Variants in CDH10 observed in about 807,000 individuals in gnomAD.
CDH10 encodes the protein cadherin 10.
Under a neutral mutation model 73.1 loss-of-function variants are expected in CDH10, and 30 were observed. That is an observed-to-expected ratio of 0.41 (90% confidence interval 0.31 to 0.56). The LOEUF (loss-of-function observed/expected upper bound fraction) is 0.56, where lower values mean the gene tolerates loss of function less well. Among genes scored for constraint, CDH10 ranks in the 20% least tolerant of loss-of-function variants. The probability of loss-of-function intolerance (pLI) is 0.27; values close to 1 mark genes in which losing one functional copy is unlikely to be tolerated. For missense variants in CDH10, 815 were observed against 973.7 expected, an observed-to-expected ratio of 0.84 and a Z score of 2.17; for synonymous variants, 345 against 348.2, an observed-to-expected ratio of 0.99 and a Z score of 0.10.
At chr5:24,619,859 G>A (rs1393608861) in intron 1 of CDH10, among the ~76,000 whole-genome samples, 1 of 152,106 alleles carries the variant, frequency 6.6e-6, no homozygotes, top group African/African-American at 2.4e-5. Context: ...ACCAGAAAGA[G>A]GGCCTCGCCG....
At chr5:24,515,769 T>C (rs931608750) in intron 5 of CDH10, among the ~76,000 whole-genome samples, 1 of 152,192 alleles carries the variant, frequency 6.6e-6, no homozygotes, top group African/African-American at 2.4e-5. Flanking sequence ...TCTTGAATTG[T>C]AGCTCCCGCA....
chr5:24,642,811 T>C (rs1450935276), intron 1 of CDH10, among the ~76,000 whole-genome samples: 1 of 152,052 alleles, frequency 6.6e-6, no homozygotes, highest in African/African-American at 2.4e-5. Context: ...TTTGTTGTTT[T>C]TTTTCCCCCA....
chr5:24,567,314 C>T (rs1745200045), intron 2 of CDH10, among the ~76,000 whole-genome samples: 1 of 151,374 alleles, frequency 6.6e-6, no homozygotes, highest in South Asian at 2.1e-4. Context: ...TTAACACATC[C>T]CTAGGCCATG....
At chr5:24,611,319 G>C (rs1225707586) in intron 1 of CDH10, among the ~76,000 whole-genome samples, 1 of 152,016 alleles carries the variant, frequency 6.6e-6, no homozygotes, top group Non-Finnish European at 1.5e-5. Context: ...TGATGTGGGG[G>C]CTCCATGGCT....
intron 1 of CDH10, among the ~76,000 whole-genome samples, chr5:24,597,176 A>C (rs1746398090): frequency 1.3e-5 from 2 of 152,176 alleles, no homozygotes; most frequent in South Asian, 4.1e-4. Context: ...CTGCAATCCC[A>C]TATTTCCTTT....
At chr5:24,627,097 T>C (rs1317198366) in intron 1 of CDH10, among the ~76,000 whole-genome samples, 1 of 151,880 alleles carries the variant, frequency 6.6e-6, no homozygotes, top group African/African-American at 2.4e-5. Context: ...TTAAGTAATA[T>C]CACCATATGC....
intron 2 of CDH10, among the ~76,000 whole-genome samples, chr5:24,574,205 G>T (rs74919652): frequency 0.01 from 1,583 of 152,136 alleles, 41 homozygotes; most frequent in African/African-American, 0.036. Flanking sequence ...ATATTAACTT[G>T]AGTAATTGCA....
In CDH10 at chr5:24,538,656, G is replaced by T. The variant is rs138554938; in HGVS notation, c.232-982C>A. Among the ~76,000 whole-genome samples the T allele has an allele frequency of 3.4e-3, 514 of 151,980 alleles. 2 individuals carry two copies. Among genetic ancestry groups the T allele is most frequent in the Middle Eastern group, 0.01 (3 of 294 alleles). The stretch of plus-strand genomic sequence containing the variant: ...GGAGTACATATACTACTGTACTAGT[G>T]ACTGAGTCTAACCTTTGGGCAATTA... On this transcript the variant is annotated intron_variant, in intron 2 of 11. Transcript: ENST00000264463.
intron 2 of CDH10, among the ~76,000 whole-genome samples, chr5:24,553,402 T>A (rs1333838160): frequency 6.6e-6 from 1 of 152,138 alleles, no homozygotes; most frequent in African/African-American, 2.4e-5. Flanking sequence ...TGCTCCATTT[T>A]TCTTGCTCAG....
At chr5:24,492,185 T>C (rs545924878) in intron 10 of CDH10, among the ~76,000 whole-genome samples, 3 of 152,338 alleles carry the variant, frequency 2.0e-5, no homozygotes, top group Admixed American at 2.0e-4. Context: ...TAAATGTGTG[T>C]TTTTTAATTT....
chr5:24,572,902 T>C (rs143450766), intron 2 of CDH10, among the ~76,000 whole-genome samples: 305 of 120,218 alleles, frequency 2.5e-3, no homozygotes, highest in Middle Eastern at 0.016. Context: ...CATAAGGACC[T>C]GGTCAGAATC....
intron 8 of CDH10, among the ~76,000 whole-genome samples, chr5:24,502,633 C>T (rs1369914441): frequency 6.6e-6 from 1 of 152,078 alleles, no homozygotes; most frequent in Admixed American, 6.6e-5. Context: ...AGATTCAGTC[C>T]TTTAAAAAAA....
intron 6 of CDH10, 33 bp from the exon 7 acceptor site, chr5:24,509,852 G>A (rs1579736944): frequency 6.4e-7 from 1 of 1,556,922 alleles, no homozygotes; most frequent in Non-Finnish European, 8.7e-7. Context: ...AAATTAGAGT[G>A]AGGGAAATTG....
In CDH10 at chr5:24,488,163, A is replaced by C. The variant is rs1169599150; in HGVS notation, c.1877-10T>G. On this transcript the variant is annotated splice_polypyrimidine_tract_variant and intron_variant, in intron 11 of 11. Coordinates refer to ENST00000264463, the MANE Select transcript of CDH10 (RefSeq NM_006727.5). The stretch of plus-strand genomic sequence containing the variant: ...AACAGTACTACTATAACTTGAAAAA[A>C]GACAAGAAGATACATTAGACGTCCG... 6.3e-7 allele frequency: 1 copy of C among 1,589,210 alleles called. No individual in the cohort carries two copies. Among genetic ancestry groups the C allele is most frequent in the Non-Finnish European group, 8.5e-7 (1 of 1,170,432 alleles).
chr5:24,592,848 G>T (rs1746245635), intron 2 of CDH10, among the ~76,000 whole-genome samples: 1 of 151,428 alleles, frequency 6.6e-6, no homozygotes, highest in African/African-American at 2.4e-5. Context: ...TTCTGTAGAA[G>T]ATTAAACAAC....
intron 2 of CDH10, among the ~76,000 whole-genome samples, chr5:24,549,937 T>C (rs906606062): frequency 3.9e-5 from 6 of 152,128 alleles, no homozygotes; most frequent in African/African-American, 1.2e-4. Context: ...CAAAGAAAGG[T>C]GAAATAAGTA....
intron 7 of CDH10, among the ~76,000 whole-genome samples, chr5:24,505,973 G>T (rs1290013613): frequency 6.6e-6 from 1 of 152,060 alleles, no homozygotes; most frequent in African/African-American, 2.4e-5. Flanking sequence ...AATTAGCTGG[G>T]TGTGGTGGCA....
intron 1 of CDH10, among the ~76,000 whole-genome samples, chr5:24,635,538 AC>A (rs749861891): frequency 3.3e-5 from 5 of 151,712 alleles, no homozygotes; most frequent in Non-Finnish European, 7.4e-5. Context: ...TTTTCAGGTT[AC>A]ATTCAAGTCT....
chr5:24,632,329 A>C (rs1332440902), intron 1 of CDH10, among the ~76,000 whole-genome samples: 3 of 41,332 alleles, frequency 7.3e-5, no homozygotes, highest in Non-Finnish European at 1.4e-4. Context: ...CTATACTCTT[A>C]TATACACCAT....
Sources: allele counts gnomAD v4.1 joint callset (sites outside exome capture counted in the v4.1 genomes callset), GRCh38; gene constraint gnomAD v4.1.1; transcripts MANE v1.5; gene names NCBI Gene and HGNC (gene_info 2026-07-23, HGNC 2026-07-21).